The following PIK3C3 variants were observed in gnomAD, a reference collection of about 807,000 sequenced individuals.
PIK3C3 encodes the protein phosphatidylinositol 3-kinase catalytic subunit type 3.
PIK3C3 carries 95 observed loss-of-function variants against 126.1 expected under a neutral mutation model. The ratio of observed to expected loss-of-function variants is 0.75; its 90% CI spans 0.64 to 0.89. The LOEUF (loss-of-function observed/expected upper bound fraction) is 0.89, where lower values mean the gene tolerates loss of function less well. Ranked by LOEUF, PIK3C3 falls within the 40% of genes least tolerant of loss-of-function variation. The probability of loss-of-function intolerance (pLI) is 0.00; values close to 1 mark genes in which losing one functional copy is unlikely to be tolerated. For missense variants in PIK3C3, 829 were observed against 1,063.2 expected, an observed-to-expected ratio of 0.78 and a Z score of 3.06; for synonymous variants, 374 against 360.0, an observed-to-expected ratio of 1.04 and a Z score of -0.44.
chr18:42,000,502 C>T (rs1982234114), intron 9 of PIK3C3, among the ~76,000 whole-genome samples: 2 of 152,110 alleles, frequency 1.3e-5, no homozygotes, highest in South Asian at 4.1e-4. Flanking sequence ...AGTAAGTTGA[C>T]TTTGGAGACA....
chr18:41,993,603 C>CT lies in PIK3C3; in HGVS notation c.786+273dup, dbSNP rs1013086886. ...TGCTGAAAGAGCTAGGCAGTATACTCTTTTTTTTTTTCTTCAGGTTGGGGG... is the reference window on the plus strand; with the variant it reads ...TGCTGAAAGAGCTAGGCAGTATACTCTTTTTTTTTTTTCTTCAGGTTGGGGG... On this transcript the variant is annotated intron_variant, in intron 7 of 24. Transcript: ENST00000262039. 2.8e-3 allele frequency among the ~76,000 whole-genome samples: 420 copies of CT among 147,438 alleles called. 1 individual carries two copies. The highest frequency in any genetic ancestry group is 7.8e-3 in the African/African-American group (315 of 40,338).
At chr18:42,075,873 T>C (rs889803973) in intron 24 of PIK3C3, among the ~76,000 whole-genome samples, 12 of 150,036 alleles carry the variant, frequency 8.0e-5, no homozygotes, top group Non-Finnish European at 1.8e-4. Context: ...TGGCATCTTA[T>C]TCCATTAGAA....
rs1176471707 is a variant in PIK3C3 at position 42,064,849 on chromosome 18, A to T, written c.2523+19A>T. 8.1e-7 allele frequency: 1 copy of T among 1,239,954 alleles called. No homozygotes were observed. Among genetic ancestry groups the T allele is most frequent in the South Asian group, 1.2e-5 (1 of 82,856 alleles). The allele number at this position is 1,239,954 out of a possible 1,614,324, so 76.8% of individuals were successfully genotyped here. A position where few individuals can be genotyped will look rare whatever the true frequency, so the allele number is the denominator to read the frequency against. ...GAAAAAGGTAATTTTTAAGTAACAT[A>T]AATGAAGAGCTCTTCTGTATAATTT... On this transcript the variant is annotated intron_variant, in intron 23 of 24. Transcript: ENST00000262039.
At chr18:42,069,914 C>G (rs889061779) in intron 24 of PIK3C3, among the ~76,000 whole-genome samples, 2 of 152,174 alleles carry the variant, frequency 1.3e-5, no homozygotes, top group Non-Finnish European at 2.9e-5. Context: ...TTATTTCTTA[C>G]TTAGGATGCT....
intron 4 of PIK3C3, among the ~76,000 whole-genome samples, chr18:41,976,933 G>A (rs1406610050): frequency 6.6e-6 from 1 of 152,166 alleles, no homozygotes; most frequent in African/African-American, 2.4e-5. Context: ...AATTCTTTAT[G>A]GAAATCTCTT....
intron 4 of PIK3C3, among the ~76,000 whole-genome samples, chr18:41,971,884 TAGTTGCAC>T (rs1980685883): frequency 6.6e-6 from 1 of 152,112 alleles, no homozygotes; most frequent in African/African-American, 2.4e-5. Flanking sequence ...TAAAGCTTTA[TAGTTGCAC>T]AGTGTAACTA....
intron 14 of PIK3C3, 105 bp downstream of exon 14, chr18:42,027,653 A>G (rs894439253): frequency 2.3e-6 from 1 of 432,642 alleles, no homozygotes; most frequent in Non-Finnish European, 4.1e-6. Flanking sequence ...TTATATATTT[A>G]TTTTTATTTT....
intron 13 of PIK3C3, among the ~76,000 whole-genome samples, chr18:42,022,490 T>G (rs1395342108): frequency 1.3e-5 from 2 of 152,194 alleles, no homozygotes; most frequent in Non-Finnish European, 2.9e-5. Flanking sequence ...GAGCACTCTT[T>G]TAACACACAC....
intron 4 of PIK3C3, among the ~76,000 whole-genome samples, chr18:41,981,869 G>A (rs758340467): frequency 6.6e-6 from 1 of 151,078 alleles, no homozygotes; most frequent in African/African-American, 2.4e-5. Context: ...CCAGCTACTC[G>A]GGAGGCTGAG....
chr18:42,076,102 A>ATATATATG (rs1985971434), intron 24 of PIK3C3, among the ~76,000 whole-genome samples: 1 of 68,966 alleles, frequency 1.4e-5, no homozygotes, highest in Non-Finnish European at 2.9e-5. Context: ...ATATATATAT[A>ATATATATG]TATATATATA....
intron 1 of PIK3C3, 54 bp from the exon 2 acceptor site, chr18:41,957,516 A>T: frequency 6.5e-7 from 1 of 1,544,836 alleles, no homozygotes; most frequent in Non-Finnish European, 8.8e-7. Context: ...TTATGTATAT[A>T]TGTACATGCT....
rs188184717 is a variant in PIK3C3, at chr18:42,023,921, G to A, written c.1484+3216G>A. ...TCTTGCTGTAGCTAAATCCTTAGGG[G>A]CCTATAGTTGTGCAGACAATCCTTT... On this transcript the variant is annotated intron_variant, in intron 13 of 24. Coordinates refer to ENST00000262039, the MANE Select transcript of PIK3C3 (RefSeq NM_002647.4). 7.7e-4 allele frequency among the ~76,000 whole-genome samples: 117 copies of A among 152,254 alleles called. 1 individual carries two copies. Among genetic ancestry groups the A allele is most frequent in the Admixed American group, 7.7e-3 (117 of 15,294 alleles).
chr18:42,029,605 C>G (rs1011757201), intron 15 of PIK3C3, among the ~76,000 whole-genome samples, 164 bp downstream of exon 15: 2 of 137,252 alleles, frequency 1.5e-5, no homozygotes, highest in African/African-American at 5.6e-5. Context: ...TGCAGTGGCA[C>G]GATCTCGGCT....
At position 42,013,515 on chromosome 18, in the gene PIK3C3, T is replaced by G; in HGVS notation, c.1244T>G (p.Leu415Trp). 3 of 1,597,182 alleles carry G rather than the reference T, an allele frequency of 1.9e-6. No individual in the cohort carries two copies. The highest frequency in any genetic ancestry group is 2.6e-6 in the Non-Finnish European group (3 of 1,167,970). The change falls in exon 11 of 25, where the codon TTG (leucine) becomes TGG (tryptophan). Residue 415 changes from leucine (L) to tryptophan (W), a missense_variant. Around this residue, in one of 4 missense-constraint regions of PIK3C3, gnomAD observed 256 missense variants for 291.0 expected, o/e 0.88. Transcript: ENST00000262039. ...AATTTTGATGATATAAAGAATGGAT[T>G]GGAACCTACCAAGAAGGATAGTCAG... The part of the protein sequence containing the change: ...YENFDDIKNG[L>W]EPTKKDSQSS...
intron 20 of PIK3C3, among the ~76,000 whole-genome samples, chr18:42,047,232 A>C (rs1011852675): frequency 1.2e-4 from 18 of 152,184 alleles, no homozygotes; most frequent in Admixed American, 4.6e-4. Flanking sequence ...TGAACAACTC[A>C]GCTGCACTGA....
chr18:41,972,789 G>C (rs1344757047), intron 4 of PIK3C3, among the ~76,000 whole-genome samples: 1 of 151,978 alleles, frequency 6.6e-6, no homozygotes, highest in African/African-American at 2.4e-5. Flanking sequence ...TTGATGTATT[G>C]TGCTAACTCG....
chr18:42,013,735 T>C, intron 11 of PIK3C3, 139 bp downstream of exon 11: 1 of 641,766 alleles, frequency 1.6e-6, no homozygotes, highest in Non-Finnish European at 2.7e-6. Context: ...ATTGCATGTG[T>C]ACTCACAGCA....
rs200046143 is a variant in PIK3C3 at position 42,057,966 on chromosome 18, A to G, written c.2347A>G (p.Met783Val). ...LPPPMKLNKE[M>V]VEGMGGTQSE... ...TCCACCAATGAAGCTGAATAAAGAAATGGTAGAAGGAATGGGGGGCACACA... is the reference window on the plus strand; with the variant it reads ...TCCACCAATGAAGCTGAATAAAGAAGTGGTAGAAGGAATGGGGGGCACACA... The change falls in exon 22 of 25, where the codon ATG becomes GTG. Residue 783 changes from methionine to valine, a missense_variant. By Grantham distance (21) the Met-to-Val change is conservative. This residue lies in a region of PIK3C3 where 196 missense variants were observed against 312.8 expected (regional missense o/e 0.63). Coordinates refer to ENST00000262039, the MANE Select transcript of PIK3C3 (RefSeq NM_002647.4). The G allele has an allele frequency of 1.2e-6, 2 of 1,613,584 alleles. No homozygotes were observed. The highest frequency in any genetic ancestry group is 8.5e-7 in the Non-Finnish European group (1 of 1,179,786).
chr18:42,005,053 G>A, intron 10 of PIK3C3, among the ~76,000 whole-genome samples: 1 of 152,174 alleles, frequency 6.6e-6, no homozygotes, highest in East Asian at 1.9e-4. Flanking sequence ...TTCTGAAGGG[G>A]TTTTGGATCC....
Sources: allele counts gnomAD v4.1 joint callset (sites outside exome capture counted in the v4.1 genomes callset), GRCh38; gene constraint gnomAD v4.1.1; regional missense constraint gnomAD v4.1.1; transcripts MANE v1.5; gene names NCBI Gene and HGNC (gene_info 2026-07-23, HGNC 2026-07-21).